Variants in PTPRQ observed in about 807,000 individuals in gnomAD.
PTPRQ encodes the protein phosphatidylinositol phosphatase PTPRQ.
A neutral mutation model predicts 246.0 loss-of-function variants in PTPRQ; 199 were observed. That is an observed-to-expected ratio of 0.81 (90% CI 0.72 to 0.91). PTPRQ has a LOEUF of 0.91. PTPRQ is among the 40% of genes least tolerant of loss of function. PTPRQ has a pLI of 0.00. For missense variants in PTPRQ, 2,624 were observed against 2,528.4 expected (o/e 1.04, Z -0.81); for synonymous variants, 869 against 853.2 (o/e 1.02, Z -0.32).
chr12:80,484,514 C>T lies in PTPRQ; in HGVS notation c.1268C>T (p.Pro423Leu), dbSNP rs1894208459. The change falls in exon 9 of 45, where the codon CCA becomes CTA. Residue 423 changes from proline to leucine, a missense_variant. Physicochemically the swap from Pro to Leu is moderately conservative, Grantham distance 98 (BLOSUM62 -3). Coordinates refer to ENST00000644991, the MANE Select transcript of PTPRQ (RefSeq NM_001145026.2). ...ATTACTTGGAAGAAACCACGACAAC[C>T]AAATGGAATTATTAACCAATACCGA... Reference protein sequence around the residue: ...VRITWKKPRQPNGIINQYRVK... With the variant: ...VRITWKKPRQLNGIINQYRVK... 1 of 1,551,072 alleles carries T rather than the reference C, an allele frequency of 6.4e-7. No individual in the cohort carries two copies. Among genetic ancestry groups the T allele is most frequent in the African/African-American group, 1.4e-5 (1 of 72,916 alleles).
intron 3 of PTPRQ, among the ~76,000 whole-genome samples, chr12:80,452,124 T>C (rs1181237872): frequency 1.0e-5 from 1 of 96,232 alleles, no homozygotes; most frequent in African/African-American, 4.4e-5. Flanking sequence ...TGTAATGGCC[T>C]TCTTTGTCTC....
chr12:80,656,309 C>T (rs1323681811), intron 38 of PTPRQ, among the ~76,000 whole-genome samples: 1 of 152,040 alleles, frequency 6.6e-6, no homozygotes, highest in Non-Finnish European at 1.5e-5. Flanking sequence ...CTATTATAAG[C>T]TTTCATGTAA....
chr12:80,599,490 A>G (rs1220894241), intron 26 of PTPRQ, among the ~76,000 whole-genome samples: 1 of 151,886 alleles, frequency 6.6e-6, no homozygotes, highest in African/African-American at 2.4e-5. Flanking sequence ...GCATATTTTC[A>G]ACTCCTCATA....
chr12:80,523,041 G>T (rs979262165), intron 17 of PTPRQ, among the ~76,000 whole-genome samples: 5 of 151,956 alleles, frequency 3.3e-5, no homozygotes, highest in Non-Finnish European at 5.9e-5. Context: ...CAATTTCAGA[G>T]CCTGTTATTG....
chr12:80,600,979 G>A (rs895430974), intron 26 of PTPRQ, among the ~76,000 whole-genome samples: 5 of 151,644 alleles, frequency 3.3e-5, no homozygotes, highest in Non-Finnish European at 7.4e-5. Flanking sequence ...CTGCCTCAGG[G>A]TCTTCACGCT....
At chr12:80,575,839 CAAAA>C (rs201432092) in intron 25 of PTPRQ, among the ~76,000 whole-genome samples, 2 of 47,140 alleles carry the variant, frequency 4.2e-5, no homozygotes, top group Non-Finnish European at 4.8e-5. Flanking sequence ...AACCCCATCT[CAAAA>C]AAAAAAAAAA....
At chr12:80,598,633 C>A (rs1322329655) in intron 26 of PTPRQ, among the ~76,000 whole-genome samples, 1 of 151,936 alleles carries the variant, frequency 6.6e-6, no homozygotes, top group Admixed American at 6.6e-5. Flanking sequence ...AAGGACAGAG[C>A]CCTTCACTTA....
At chr12:80,559,221 T>G (rs1896755038) in intron 25 of PTPRQ, among the ~76,000 whole-genome samples, 1 of 152,106 alleles carries the variant, frequency 6.6e-6, no homozygotes, top group African/African-American at 2.4e-5. Context: ...ATTTTTTGTA[T>G]TTTTAGTAGA....
intron 24 of PTPRQ, 66 bp downstream of exon 24, chr12:80,546,763 T>A: frequency 6.6e-7 from 1 of 1,506,624 alleles, no homozygotes; most frequent in South Asian, 1.3e-5. Context: ...TTCCTTTTCT[T>A]AGTTTATATG....
intron 34 of PTPRQ, 59 bp downstream of exon 34, chr12:80,632,350 T>A: frequency 6.5e-7 from 1 of 1,542,158 alleles, no homozygotes; most frequent in South Asian, 1.2e-5. Flanking sequence ...TCAGTCATAG[T>A]CCAATCAGGA....
chr12:80,661,217 AT>A (rs1483623790), intron 39 of PTPRQ, among the ~76,000 whole-genome samples: 5 of 98,582 alleles, frequency 5.1e-5, no homozygotes, highest in African/African-American at 1.6e-4. Context: ...AGGAAAAAAT[AT>A]ATATATATAA....
intron 25 of PTPRQ, among the ~76,000 whole-genome samples, chr12:80,550,946 A>G (rs996424246): frequency 6.6e-6 from 1 of 152,038 alleles, no homozygotes; most frequent in African/African-American, 2.4e-5. Flanking sequence ...CCTTCCATCA[A>G]AATTTATCCA....
chr12:80,496,161 A>T, intron 13 of PTPRQ, 55 bp downstream of exon 13: 1 of 1,543,310 alleles, frequency 6.5e-7, no homozygotes, highest in Non-Finnish European at 8.7e-7. Context: ...GTAAATGCTC[A>T]CTGCCTTCAC....
At chr12:80,551,562 C>T (rs1437254266) in intron 25 of PTPRQ, among the ~76,000 whole-genome samples, 1 of 152,026 alleles carries the variant, frequency 6.6e-6, no homozygotes, top group Non-Finnish European at 1.5e-5. Flanking sequence ...AATATCTGAA[C>T]AATAAAGTTT....
chr12:80,466,371 G>A (rs571507482), intron 6 of PTPRQ, among the ~76,000 whole-genome samples: 25 of 152,186 alleles, frequency 1.6e-4, no homozygotes, highest in Non-Finnish European at 3.1e-4. Context: ...ACAAACAAAT[G>A]AAAGAACATT....
At chr12:80,464,096 C>T (rs1003974660) in intron 6 of PTPRQ, among the ~76,000 whole-genome samples, 19 of 151,626 alleles carry the variant, frequency 1.3e-4, no homozygotes, top group African/African-American at 3.9e-4. Context: ...GAGTCAAGAC[C>T]CATCAGTGTG....
chr12:80,548,994 TA>T (rs779232316), intron 24 of PTPRQ, among the ~76,000 whole-genome samples: 1 of 152,086 alleles, frequency 6.6e-6, no homozygotes, highest in Non-Finnish European at 1.5e-5. Context: ...GCCATCCCGG[TA>T]AAAACCAGTA....
At chr12:80,491,091 G>A (rs1164331264) in intron 9 of PTPRQ, among the ~76,000 whole-genome samples, 1 of 151,850 alleles carries the variant, frequency 6.6e-6, no homozygotes, top group African/African-American at 2.4e-5. Context: ...AAGCATTCGG[G>A]TCAACTCTCA....
chr12:80,600,023 A>G (rs1005293326), intron 26 of PTPRQ, among the ~76,000 whole-genome samples: 6 of 151,882 alleles, frequency 4.0e-5, no homozygotes, highest in African/African-American at 1.4e-4. Context: ...CAATTTTATC[A>G]AGAACTTTAC....
Sources: allele counts gnomAD v4.1 joint callset (sites outside exome capture counted in the v4.1 genomes callset), GRCh38; gene constraint gnomAD v4.1.1; transcripts MANE v1.5; gene names NCBI Gene and HGNC (gene_info 2026-07-23, HGNC 2026-07-21).